Variants in ECPAS observed in about 807,000 individuals in gnomAD.
ECPAS encodes the protein proteasome adapter and scaffold protein ECM29.
A neutral mutation model predicts 255.1 loss-of-function variants in ECPAS; 70 were observed. The ratio of observed to expected loss-of-function variants is 0.27; its 90% CI spans 0.23 to 0.33. ECPAS has a LOEUF of 0.33. Among genes scored for constraint, ECPAS ranks in the 10% least tolerant of loss-of-function variants. The pLI is 1.00. For missense variants in ECPAS, 1,817 were observed against 2,206.4 expected (o/e 0.82, Z 3.54); for synonymous variants, 784 against 775.0 (o/e 1.01, Z -0.19).
chr9:111,416,146 G>A, intron 18 of ECPAS, 126 bp downstream of exon 18: 2 of 611,642 alleles, frequency 3.3e-6, no homozygotes. Flanking sequence ...ACAACCCGAT[G>A]AAGAACAATG....
At chr9:111,387,459 C>T (rs1057413846) in intron 31 of ECPAS, among the ~76,000 whole-genome samples, 5 of 151,234 alleles carry the variant, frequency 3.3e-5, no homozygotes, top group African/African-American at 1.2e-4. Flanking sequence ...GACAGTGTCT[C>T]GCTCATCGTC....
intron 35 of ECPAS, among the ~76,000 whole-genome samples, chr9:111,382,431 A>AT (rs768931549): frequency 6.6e-6 from 1 of 151,102 alleles, no homozygotes; most frequent in African/African-American, 2.4e-5. Context: ...CACCCGGCTA[A>AT]TTTTTTTTGT....
chr9:111,478,690 T>C (rs1481047916), intron 1 of ECPAS, among the ~76,000 whole-genome samples: 1 of 152,194 alleles, frequency 6.6e-6, no homozygotes, highest in African/African-American at 2.4e-5. Flanking sequence ...GCAGAAAATG[T>C]TCATTTGAAA....
At chr9:111,461,366 T>G (rs910512709) in intron 2 of ECPAS, among the ~76,000 whole-genome samples, 1 of 151,376 alleles carries the variant, frequency 6.6e-6, no homozygotes, top group African/African-American at 2.4e-5. Context: ...TTGAGAGGCT[T>G]AGGTGGGAGA....
In ECPAS at chr9:111,444,476, G is replaced by A; in HGVS notation, c.172C>T (p.His58Tyr). The A allele has an allele frequency of 6.2e-7, 1 of 1,612,490 alleles. No individual in the cohort carries two copies. Among genetic ancestry groups the A allele is most frequent in the Non-Finnish European group, 8.5e-7 (1 of 1,178,722 alleles). The change falls in exon 4 of 50, where the codon CAT becomes TAT. Residue 58 changes from histidine (H) to tyrosine (Y), a missense_variant. Transcript: ENST00000684092. Reference protein sequence around the residue: ...VRKKVMELLVHLNKRIKSRPK... With the variant: ...VRKKVMELLVYLNKRIKSRPK... ...CGGCTTTTTATACGTTTATTCAGAT[G>A]GACCAGCAGTTCCATTACCTAAAAT... is the stretch of plus-strand genomic sequence containing the variant.
rs55763374 is a variant in ECPAS at position 111,466,616 on chromosome 9, TACACACAC to T, written c.22+6273_22+6280del. 1.7e-3 allele frequency among the ~76,000 whole-genome samples: 249 copies of T among 143,502 alleles called. 3 individuals are homozygous for T. The highest frequency in any genetic ancestry group is 0.014 in the South Asian group (62 of 4,342). 94.1% of individuals were successfully genotyped at this position (143,502 alleles called of 152,430 possible). A position where few individuals can be genotyped will look rare whatever the true frequency, so the allele number is the denominator to read the frequency against. On this transcript the variant is annotated intron_variant, in intron 2 of 49. Coordinates refer to ENST00000684092, the MANE Select transcript of ECPAS (RefSeq NM_001364929.1). ...TCTACTAAAAATATAAATAACTAAA[TACACACAC>T]ACACACACACACACACACACACACA... is the stretch of plus-strand genomic sequence containing the variant.
intron 19 of ECPAS, 45 bp from the exon 20 acceptor site, chr9:111,414,031 G>C (rs774356616): frequency 1.6e-6 from 2 of 1,282,148 alleles, no homozygotes; most frequent in East Asian, 5.0e-5. Flanking sequence ...GAAAAGTAAT[G>C]AACATACAGG....
Position 111,392,269 on chromosome 9 carries a change from G to C in ECPAS, c.3093-445C>G, listed in dbSNP as rs1589137495. Reference sequence around the variant, plus strand: ...AACAAAAAACAGCCCTTTCCAACAGGCTGCAAATTTTATAAAATGAATTCA... The same window carrying C: ...AACAAAAAACAGCCCTTTCCAACAGCCTGCAAATTTTATAAAATGAATTCA... On this transcript the variant is annotated intron_variant, in intron 28 of 49. Transcript: ENST00000684092. Among the ~76,000 whole-genome samples, 2 of 152,186 alleles carry C rather than the reference G, an allele frequency of 1.3e-5. 1 individual carries two copies. The highest frequency in any genetic ancestry group is 4.2e-4 in the South Asian group (2 of 4,818).
chr9:111,394,767 C>A (rs577153267), intron 25 of ECPAS, among the ~76,000 whole-genome samples: 141 of 152,300 alleles, frequency 9.3e-4, no homozygotes, highest in African/African-American at 3.3e-3. Flanking sequence ...GGATGTCTAG[C>A]AGCATCCTGT....
At position 111,383,337 on chromosome 9, in the gene ECPAS, C is replaced by A. The variant is rs374512672; in HGVS notation, c.3682-5G>T. ...GTCACACATTTTCACACAGACCTCA[C>A]ATACAAAGAGCATGGACGTTAGTGA... On this transcript the variant is annotated splice_polypyrimidine_tract_variant and splice_region_variant and intron_variant, in intron 34 of 49. Coordinates refer to ENST00000684092, the MANE Select transcript of ECPAS (RefSeq NM_001364929.1). The A allele has an allele frequency of 1.9e-6, 3 of 1,608,636 alleles. No individual in the cohort carries two copies. In the East Asian group the frequency reaches 6.7e-5, roughly 36 times the overall value.
chr9:111,451,849 A>G (rs1009810693), intron 2 of ECPAS, among the ~76,000 whole-genome samples: 2 of 152,252 alleles, frequency 1.3e-5, no homozygotes, highest in Non-Finnish European at 2.9e-5. Flanking sequence ...CAAGATTTCT[A>G]AAGGCATCTT....
intron 3 of ECPAS, among the ~76,000 whole-genome samples, chr9:111,450,706 T>C (rs962791555): frequency 5.3e-5 from 8 of 152,210 alleles, no homozygotes; most frequent in Non-Finnish European, 7.3e-5. Context: ...GGCAGGTGGA[T>C]TGCTTGAGCT....
In ECPAS at chr9:111,366,625, A is replaced by C. The variant is rs1371002765; in HGVS notation, c.5116T>G (p.Cys1706Gly). ...AWPRNAETQRCYRQELCKLMC... is the reference protein window; with the variant it reads ...AWPRNAETQRGYRQELCKLMC... ...AGTTTGCACAGCTCCTGACGATAACAACCTGGGAAAAAAAGACAAGGTGGG... is the reference window on the plus strand; with the variant it reads ...AGTTTGCACAGCTCCTGACGATAACCACCTGGGAAAAAAAGACAAGGTGGG... Residue 1706 changes from cysteine (C) to glycine (G), a missense_variant and splice_region_variant, in exon 47 of 50, where the codon TGT becomes GGT. By Grantham distance (159) the Cys-to-Gly change is radical. This residue lies in a region of ECPAS where 960 missense variants were observed against 1,179.0 expected (regional missense o/e 0.81). Coordinates refer to ENST00000684092, the MANE Select transcript of ECPAS (RefSeq NM_001364929.1). The C allele has an allele frequency of 1.2e-6, 2 of 1,610,788 alleles. No homozygotes were observed. The highest frequency in any genetic ancestry group is 3.3e-5 in the Admixed American group (2 of 59,860).
At chr9:111,462,841 C>T (rs1223393262) in intron 2 of ECPAS, among the ~76,000 whole-genome samples, 1 of 148,604 alleles carries the variant, frequency 6.7e-6, no homozygotes, top group Non-Finnish European at 1.5e-5. Context: ...CTCCCAGGTT[C>T]AAGCGATTCT....
At chr9:111,377,039 C>T (rs1436220395) in intron 36 of ECPAS, among the ~76,000 whole-genome samples, 2 of 152,190 alleles carry the variant, frequency 1.3e-5, no homozygotes, top group Non-Finnish European at 1.5e-5. Context: ...ACACAAGTGA[C>T]TTGCCTAGGG....
intron 2 of ECPAS, among the ~76,000 whole-genome samples, chr9:111,462,359 T>C (rs2098274177): frequency 6.6e-6 from 1 of 152,038 alleles, no homozygotes; most frequent in Admixed American, 6.6e-5. Flanking sequence ...ATATATCTCA[T>C]ACAAAATCAG....
rs781284807 is a variant in ECPAS at position 111,378,638 on chromosome 9, C to T, written c.3896G>A (p.Ser1299Asn). ...KLIPALLESL[S>N]VLEPQVLNYL... is the part of the protein sequence containing the mutation. ...ATTGAGAACTTGGGGCTCCAATACACTTAAGGACTCTAGCAGAGCTGGAAT... is the reference window on the plus strand; with the variant it reads ...ATTGAGAACTTGGGGCTCCAATACATTTAAGGACTCTAGCAGAGCTGGAAT... Residue 1299 changes from serine (S) to asparagine (N), a missense_variant, in exon 36 of 50, where the codon AGT becomes AAT. Physicochemically the swap from Ser to Asn is conservative, Grantham distance 46. Transcript: ENST00000684092. 1.9e-6 allele frequency: 3 copies of T among 1,613,728 alleles called. No homozygotes were observed. Among genetic ancestry groups the T allele is most frequent in the Non-Finnish European group, 2.5e-6 (3 of 1,179,768 alleles).
At chr9:111,396,922 T>A in intron 25 of ECPAS, 108 bp downstream of exon 25, 1 of 1,380,040 alleles carries the variant, frequency 7.2e-7, no homozygotes, top group Non-Finnish European at 1.0e-6. Context: ...GATATAAATA[T>A]TTGAAAACAG....
intron 27 of ECPAS, 30 bp from the exon 28 acceptor site, chr9:111,392,912 C>CT (rs772510664): frequency 1.3e-6 from 2 of 1,526,604 alleles, no homozygotes; most frequent in Non-Finnish European, 1.8e-6. Context: ...GATTGTATCA[C>CT]TTTAAAAAAA....
Sources: allele counts gnomAD v4.1 joint callset (sites outside exome capture counted in the v4.1 genomes callset), GRCh38; gene constraint gnomAD v4.1.1; regional missense constraint gnomAD v4.1.1; transcripts MANE v1.5; gene names NCBI Gene and HGNC (gene_info 2026-07-23, HGNC 2026-07-21).